Variants in ZNF620 observed in about 807,000 individuals in gnomAD.
ZNF620 encodes zinc finger protein 620.
ZNF620 carries 10 observed loss-of-function variants against 13.3 expected under a neutral mutation model. That is an observed-to-expected ratio of 0.75 (90% CI 0.46 to 1.28). The LOEUF is 1.28. Among genes scored for constraint, ZNF620 ranks in the 50% most tolerant of loss-of-function variants. ZNF620 has a pLI of 0.00. For missense variants in ZNF620, 461 were observed against 500.2 expected (o/e 0.92, Z 0.75); for synonymous variants, 166 against 177.6 (o/e 0.93, Z 0.52).
intron 2 of ZNF620, among the ~76,000 whole-genome samples, chr3:40,510,300 G>A (rs1321053201): frequency 6.6e-6 from 1 of 152,094 alleles, no homozygotes; most frequent in Admixed American, 6.6e-5. Context: ...GGTGTAATCT[G>A]TAATCCCTGC....
Position 40,515,842 on chromosome 3 carries a change from A to G in ZNF620, c.266-18A>G. On this transcript the variant is annotated intron_variant, in intron 4 of 4. Coordinates refer to ENST00000314529, the MANE Select transcript of ZNF620 (RefSeq NM_175888.4). ...TGTGATATCAGGGACTGACATTTGT[A>G]TTTTCTTTTTGTGATAGGGGATGAG... The G allele has an allele frequency of 6.4e-7, 1 of 1,573,808 alleles. No homozygotes were observed. The highest frequency in any genetic ancestry group is 8.6e-7 in the Non-Finnish European group (1 of 1,160,576).
At chr3:40,512,315 G>C (rs935879388) in intron 3 of ZNF620, 87 bp from the exon 4 acceptor site, 7 of 1,099,436 alleles carry the variant, frequency 6.4e-6, no homozygotes, top group Non-Finnish European at 8.2e-6. Context: ...TCACTACCTG[G>C]CTCAGCAGAT....
Position 40,517,135 on chromosome 3 carries a change from A to G in ZNF620, c.*272A>G. ...GCCCAGCAGGATGGATTCAAGGGAAACCTACATTAAGGAAAATTGCTGTGA... is the reference window on the plus strand; with the variant it reads ...GCCCAGCAGGATGGATTCAAGGGAAGCCTACATTAAGGAAAATTGCTGTGA... On this transcript the variant is annotated 3_prime_UTR_variant, in exon 5 of 5. Transcript: ENST00000314529. The G allele has an allele frequency of 3.6e-6, 1 of 279,230 alleles. No individual in the cohort carries two copies. The allele number at this position is 279,230 out of a possible 1,614,324, so 17.3% of individuals were successfully genotyped here.
In ZNF620 at chr3:40,513,561, C is replaced by T. The variant is rs565894581; in HGVS notation, c.265+1046C>T. On this transcript the variant is annotated intron_variant, in intron 4 of 4. Coordinates refer to ENST00000314529, the MANE Select transcript of ZNF620 (RefSeq NM_175888.4). ...GGCGGAGGCAGGAGAATCGGTTGAA[C>T]CTGGGGAGTGGAGGTCGTAGTGAGC... is the stretch of plus-strand genomic sequence containing the variant. Among the ~76,000 whole-genome samples the T allele has an allele frequency of 1.2e-3, 177 of 151,174 alleles. 2 individuals are homozygous for T. Among genetic ancestry groups the T allele is most frequent in the Middle Eastern group, 3.5e-3 (1 of 288 alleles).
chr3:40,506,393 T>TGGCCCC lies in ZNF620; in HGVS notation c.24+17_24+18insGGCCCC. 1.9e-6 allele frequency: 3 copies of TGGCCCC among 1,555,988 alleles called. No homozygotes were observed. Among genetic ancestry groups the TGGCCCC allele is most frequent in the Non-Finnish European group, 1.8e-6 (2 of 1,132,294 alleles). ...TGGCGCCAGGTGAGTGAGCATCCTC[T>TGGCCCC]CCCTCCCTCCCACCCTTTAGATGTC... On this transcript the variant is annotated intron_variant, in intron 2 of 4. Coordinates refer to ENST00000314529, the MANE Select transcript of ZNF620 (RefSeq NM_175888.4).
Position 40,516,942 on chromosome 3 carries a change from C to T in ZNF620, c.*79C>T. 6.8e-7 allele frequency: 1 copy of T among 1,467,454 alleles called. No homozygotes were observed. Among genetic ancestry groups the T allele is most frequent in the Non-Finnish European group, 9.1e-7 (1 of 1,097,374 alleles). 90.9% of individuals were successfully genotyped at this position (1,467,454 alleles called of 1,614,324 possible). A position where few individuals can be genotyped will look rare whatever the true frequency, so the allele number is the denominator to read the frequency against. On this transcript the variant is annotated 3_prime_UTR_variant, in exon 5 of 5. Coordinates refer to ENST00000314529, the MANE Select transcript of ZNF620 (RefSeq NM_175888.4). ...GCTTTTTATCAGTGTCCTCGCTGTC[C>T]TTCCTGGTTAGACACTTGGCTTTCA...
rs543334560 is a variant in ZNF620 at position 40,506,722 on chromosome 3, C to A, written c.24+346C>A. On this transcript the variant is annotated intron_variant, in intron 2 of 4. Coordinates refer to ENST00000314529, the MANE Select transcript of ZNF620 (RefSeq NM_175888.4). Reference sequence around the variant, plus strand: ...AATTCTAGTAACTGTTTTGTAGATTCCATTGTATTTTCTACATAGGTCATC... The same window carrying A: ...AATTCTAGTAACTGTTTTGTAGATTACATTGTATTTTCTACATAGGTCATC... 6.6e-5 allele frequency among the ~76,000 whole-genome samples: 10 copies of A among 152,278 alleles called. No homozygotes were observed. In the East Asian group the frequency reaches 1.7e-3, roughly 26 times the overall value.
intron 4 of ZNF620, among the ~76,000 whole-genome samples, chr3:40,513,202 T>A (rs1299956621): frequency 6.6e-6 from 1 of 151,030 alleles, no homozygotes. Flanking sequence ...TGGTGGCTCA[T>A]ACCTGTAATC....
In ZNF620 at chr3:40,517,937, C is replaced by G. The variant is rs1559553911; in HGVS notation, c.*1074C>G. On this transcript the variant is annotated 3_prime_UTR_variant, in exon 5 of 5. Coordinates refer to ENST00000314529, the MANE Select transcript of ZNF620 (RefSeq NM_175888.4). Reference sequence around the variant, plus strand: ...ACCTATCTCAGGTTCAGTGTCCACCCACCCTACTTATTCTTCAGTTTGTCT... The same window carrying G: ...ACCTATCTCAGGTTCAGTGTCCACCGACCCTACTTATTCTTCAGTTTGTCT... 6.6e-6 allele frequency: 1 copy of G among 152,214 alleles called. No homozygotes were observed. Among genetic ancestry groups the G allele is most frequent in the Non-Finnish European group, 1.5e-5 (1 of 68,040 alleles). 9.4% of individuals were successfully genotyped at this position (152,214 alleles called of 1,614,324 possible).
chr3:40,513,666 T>C (rs1462853194), intron 4 of ZNF620, among the ~76,000 whole-genome samples: 5 of 151,760 alleles, frequency 3.3e-5, no homozygotes, highest in African/African-American at 1.2e-4. Context: ...GCACAAGCTG[T>C]TCCAGTATAA....
intron 3 of ZNF620, among the ~76,000 whole-genome samples, chr3:40,511,800 G>C (rs1698210151): frequency 6.6e-6 from 1 of 151,928 alleles, no homozygotes; most frequent in African/African-American, 2.4e-5. Context: ...TTCTGCCTCA[G>C]CCTCCAAAGT....
chr3:40,508,367 C>T (rs923617033), intron 2 of ZNF620, among the ~76,000 whole-genome samples: 5 of 151,954 alleles, frequency 3.3e-5, no homozygotes, highest in Non-Finnish European at 7.4e-5. Context: ...AGCATTATCC[C>T]GCAAATTCTA....
At position 40,513,714 on chromosome 3, in the gene ZNF620, A is replaced by T. The variant is rs535193667; in HGVS notation, c.265+1199A>T. 9.1e-4 allele frequency among the ~76,000 whole-genome samples: 139 copies of T among 152,012 alleles called. 1 individual carries two copies. Among genetic ancestry groups the T allele is most frequent in the African/African-American group, 3.2e-3 (134 of 41,536 alleles). On this transcript the variant is annotated intron_variant, in intron 4 of 4. Coordinates refer to ENST00000314529, the MANE Select transcript of ZNF620 (RefSeq NM_175888.4). Reference sequence around the variant, plus strand: ...ATAGAATAAGAATAATTATGCTAGAAATAGATTATAGATATGATTATATAT... The same window carrying T: ...ATAGAATAAGAATAATTATGCTAGATATAGATTATAGATATGATTATATAT...
intron 4 of ZNF620, among the ~76,000 whole-genome samples, chr3:40,513,067 C>G (rs1331688986): frequency 6.6e-6 from 1 of 151,868 alleles, no homozygotes; most frequent in Non-Finnish European, 1.5e-5. Context: ...TCCTTTGATT[C>G]TTATTTCATC....
chr3:40,506,261 A>G (rs1698012612), intron 1 of ZNF620, 43 bp from the exon 2 acceptor site: 1 of 1,535,416 alleles, frequency 6.5e-7, no homozygotes, highest in Admixed American at 1.7e-5. Context: ...GCGGGGTGCG[A>G]GGCAGCATCA....
chr3:40,515,918 AAC>A lies in ZNF620; in HGVS notation c.326_327del (p.Thr109ArgfsTer19). On this transcript the variant is annotated frameshift_variant, in exon 5 of 5. Coordinates refer to ENST00000314529, the MANE Select transcript of ZNF620 (RefSeq NM_175888.4). LOFTEE classifies it low-confidence loss of function (END_TRUNC). Reference sequence around the variant, plus strand: ...CTCCAAAGGATCATGTGTCCAAAGAAACAGAGTCCTTCAGACTGATGGTGGGG... The same window carrying A: ...CTCCAAAGGATCATGTGTCCAAAGAAAGAGTCCTTCAGACTGATGGTGGGG... ...LTPKDHVSKE[T>X]ESFRLMVGGL... 1 of 1,613,942 alleles carries A rather than the reference AAC, an allele frequency of 6.2e-7. No individual in the cohort carries two copies. Among genetic ancestry groups the A allele is most frequent in the East Asian group, 2.2e-5 (1 of 44,882 alleles).
At chr3:40,509,849 G>C (rs1698140525) in intron 2 of ZNF620, among the ~76,000 whole-genome samples, 1 of 152,146 alleles carries the variant, frequency 6.6e-6, no homozygotes, top group Non-Finnish European at 1.5e-5. Context: ...CAGGGTAGTA[G>C]CTTAGGGAAT....
chr3:40,513,314 AAAATATATATATATATAT>A (rs1698258957), intron 4 of ZNF620, among the ~76,000 whole-genome samples: 2 of 67,868 alleles, frequency 2.9e-5, no homozygotes, highest in Non-Finnish European at 5.3e-5. Flanking sequence ...AAAAAAAAAA[AAAATATATATATATATAT>A]ATATATATAT....
At position 40,517,006 on chromosome 3, in the gene ZNF620, C is replaced by A; in HGVS notation, c.*143C>A. 1.2e-6 allele frequency: 1 copy of A among 836,990 alleles called. No homozygotes were observed. Among genetic ancestry groups the A allele is most frequent in the East Asian group, 2.7e-5 (1 of 37,150 alleles). 51.8% of individuals were successfully genotyped at this position (836,990 alleles called of 1,614,324 possible). ...TTTAAGTTTTTTGAACCTGTTTCCC[C>A]AACATGAAGTCTCTTTATGGTTAGA... On this transcript the variant is annotated 3_prime_UTR_variant, in exon 5 of 5. Transcript: ENST00000314529.
Sources: allele counts gnomAD v4.1 joint callset (sites outside exome capture counted in the v4.1 genomes callset), GRCh38; gene constraint gnomAD v4.1.1; transcripts MANE v1.5; gene names NCBI Gene and HGNC (gene_info 2026-07-23, HGNC 2026-07-21).